Variants in RETREG1 observed in about 807,000 individuals in gnomAD.
The protein encoded by RETREG1 is reticulophagy regulator 1.
Under a neutral mutation model 54.8 loss-of-function variants are expected in RETREG1, and 44 were observed. The observed-to-expected ratio is 0.80, with a 90% CI of 0.63 to 1.03. The LOEUF (loss-of-function observed/expected upper bound fraction) is 1.03, where lower values mean the gene tolerates loss of function less well. RETREG1 is among the 50% of genes least tolerant of loss of function. The pLI, the probability that RETREG1 is intolerant of heterozygous loss-of-function variation, is 0.00. For missense variants in RETREG1, 554 were observed against 605.1 expected (o/e 0.92, Z 0.89); for synonymous variants, 217 against 238.5 (o/e 0.91, Z 0.83).
rs186774349 is a variant in RETREG1, at chr5:16,585,711, C to T, written c.321-13609G>A. Among the ~76,000 whole-genome samples the T allele has an allele frequency of 1.3e-3, 191 of 152,252 alleles. 1 individual carries two copies. The highest frequency in any genetic ancestry group is 4.4e-3 in the African/African-American group (182 of 41,550). ...CTGGCTCTTGGTTCTGCAGGCTGTA[C>T]AGGAAGCATGGGGTCAGCATCTGCT... On this transcript the variant is annotated intron_variant, in intron 1 of 8. Coordinates refer to ENST00000306320, the MANE Select transcript of RETREG1 (RefSeq NM_001034850.3). This position sits in a 1 kb window ranked among gnomAD's most constrained non-coding sequence, Gnocchi z 4.5.
intron 3 of RETREG1, among the ~76,000 whole-genome samples, chr5:16,498,491 T>C (rs1739560883): frequency 6.6e-6 from 1 of 152,206 alleles, no homozygotes; most frequent in Admixed American, 6.5e-5. Flanking sequence ...GGCGGATGGA[T>C]TGTTTGAGCT....
At chr5:16,599,912 G>A (rs889521548) in intron 1 of RETREG1, among the ~76,000 whole-genome samples, 5 of 152,162 alleles carry the variant, frequency 3.3e-5, no homozygotes, top group East Asian at 1.9e-4. Context: ...CAGAAAGAGC[G>A]CTGGGAATTG....
intron 3 of RETREG1, among the ~76,000 whole-genome samples, chr5:16,565,296 C>T (rs1324029053): frequency 6.6e-6 from 1 of 152,178 alleles, no homozygotes; most frequent in Non-Finnish European, 1.5e-5. Context: ...CCTGCACCCT[C>T]ACACCTCACA....
chr5:16,503,592 C>G (rs1304647555), intron 3 of RETREG1, among the ~76,000 whole-genome samples: 1 of 147,932 alleles, frequency 6.8e-6, no homozygotes, highest in East Asian at 2.0e-4. Context: ...TGCTTGAACC[C>G]GGGAGGCAGA....
At chr5:16,504,492 C>T (rs142578758) in intron 3 of RETREG1, among the ~76,000 whole-genome samples, 14 of 152,264 alleles carry the variant, frequency 9.2e-5, no homozygotes, top group Non-Finnish European at 1.2e-4. Context: ...ACCATCACAC[C>T]GCTGCCTACC....
At chr5:16,567,292 A>C (rs1742040499) in intron 2 of RETREG1, among the ~76,000 whole-genome samples, 1 of 152,186 alleles carries the variant, frequency 6.6e-6, no homozygotes, top group Non-Finnish European at 1.5e-5. Context: ...GACAGGGTGC[A>C]CTGAGAACTA....
At chr5:16,479,013 A>G (rs761062240) in intron 5 of RETREG1, 26 bp from the exon 6 acceptor site, 10 of 1,609,260 alleles carry the variant, frequency 6.2e-6, no homozygotes, top group Non-Finnish European at 8.5e-6. Flanking sequence ...GAGCAGAGGT[A>G]AAATGCCTTT....
intron 4 of RETREG1, 160 bp downstream of exon 4, chr5:16,483,184 ACT>A: frequency 1.3e-6 from 1 of 751,822 alleles, no homozygotes; most frequent in Non-Finnish European, 2.2e-6. Context: ...GTGTTCGCAC[ACT>A]CACACATCTG....
At chr5:16,526,344 C>T (rs1189150486) in intron 3 of RETREG1, among the ~76,000 whole-genome samples, 2 of 152,108 alleles carry the variant, frequency 1.3e-5, no homozygotes, top group Non-Finnish European at 1.5e-5. Context: ...AATCATGTAG[C>T]TAACATGTAG....
At chr5:16,523,611 ATTT>A (rs1258670610) in intron 3 of RETREG1, among the ~76,000 whole-genome samples, 1 of 152,042 alleles carries the variant, frequency 6.6e-6, no homozygotes, top group African/African-American at 2.4e-5. Flanking sequence ...TGTAGTTATT[ATTT>A]TTCCCTTTCC....
chr5:16,603,259 T>C (rs1743093850), intron 1 of RETREG1, among the ~76,000 whole-genome samples: 1 of 152,208 alleles, frequency 6.6e-6, no homozygotes, highest in Non-Finnish European at 1.5e-5. Flanking sequence ...ATTCTGTAAT[T>C]GCAGCTTTCA....
chr5:16,560,106 T>C (rs1296687217), intron 3 of RETREG1, among the ~76,000 whole-genome samples: 1 of 152,260 alleles, frequency 6.6e-6, no homozygotes, highest in Non-Finnish European at 1.5e-5. Context: ...TGTTGATTGT[T>C]GATGAGGCCA....
intron 3 of RETREG1, among the ~76,000 whole-genome samples, chr5:16,535,409 T>C (rs1741033093): frequency 6.8e-6 from 1 of 147,774 alleles, no homozygotes; most frequent in Non-Finnish European, 1.5e-5. Flanking sequence ...GAGTACTGCA[T>C]GCATGCTCCC....
chr5:16,589,141 A>G (rs1434369889), intron 1 of RETREG1, among the ~76,000 whole-genome samples: 1 of 152,168 alleles, frequency 6.6e-6, no homozygotes, highest in African/African-American at 2.4e-5. Flanking sequence ...TTGCTTATTC[A>G]ACAACAAAAT....
At chr5:16,565,574 T>C (rs552626088) in intron 3 of RETREG1, among the ~76,000 whole-genome samples, 189 bp downstream of exon 3, 1 of 152,166 alleles carries the variant, frequency 6.6e-6, no homozygotes, top group Non-Finnish European at 1.5e-5. Flanking sequence ...CAGCACTTCC[T>C]AGAATGAGTC....
At chr5:16,531,601 T>TG (rs1403059629) in intron 3 of RETREG1, among the ~76,000 whole-genome samples, 1 of 151,988 alleles carries the variant, frequency 6.6e-6, no homozygotes, top group Admixed American at 6.6e-5. Flanking sequence ...CTTGGAGGTC[T>TG]GGGGGGTGGC....
intron 1 of RETREG1, among the ~76,000 whole-genome samples, chr5:16,599,984 C>T (rs999073963): frequency 5.9e-5 from 9 of 152,106 alleles, no homozygotes; most frequent in Non-Finnish European, 1.3e-4. Context: ...CCCAGGAAAG[C>T]GTGGGGGTGG....
intron 1 of RETREG1, among the ~76,000 whole-genome samples, chr5:16,592,588 G>T (rs1454103136): frequency 6.6e-6 from 1 of 152,074 alleles, no homozygotes. Context: ...TATCATAAAG[G>T]TGCATGCACG....
Position 16,473,706 on chromosome 5 carries a change from A to C in RETREG1, c.*1035T>G, listed in dbSNP as rs527314474. The C allele has an allele frequency of 6.6e-6, 1 of 152,382 alleles. No homozygotes were observed. Among genetic ancestry groups the C allele is most frequent in the Non-Finnish European group, 1.5e-5 (1 of 68,002 alleles). The allele number at this position is 152,382 out of a possible 1,614,324, so 9.4% of individuals were successfully genotyped here. ...GTTTAAAGGAAAATATATATATTCT[A>C]TCTTCCCAATAAGAAACAGATTCCA... On this transcript the variant is annotated 3_prime_UTR_variant, in exon 9 of 9. Transcript: ENST00000306320.
Sources: gnomAD v4.1 joint callset for allele counts (sites outside exome capture counted in the v4.1 genomes callset) on GRCh38, gnomAD v4.1.1 for gene constraint, Gnocchi (gnomAD v3.1) non-coding constraint, MANE v1.5 for transcripts, NCBI Gene and HGNC (gene_info 2026-07-23, HGNC 2026-07-21) for gene names.